ADAM12: variants seen among roughly 807,000 people sequenced by gnomAD.
ADAM12 encodes ADAM metallopeptidase domain 12.
A neutral mutation model predicts 106.4 loss-of-function variants in ADAM12; 70 were observed. The ratio of observed to expected loss-of-function variants is 0.66; its 90% CI spans 0.54 to 0.80. The LOEUF is 0.80. Among genes scored for constraint, ADAM12 ranks in the 30% least tolerant of loss-of-function variants. The probability of loss-of-function intolerance (pLI) is 0.00; values close to 1 mark genes in which losing one functional copy is unlikely to be tolerated. For missense variants in ADAM12, 1,010 were observed against 1,171.9 expected, an observed-to-expected ratio of 0.86 and a Z score of 2.02; for synonymous variants, 420 against 433.5, an observed-to-expected ratio of 0.97 and a Z score of 0.39.
At chr10:126,080,315 C>T (rs528351789) in intron 11 of ADAM12, among the ~76,000 whole-genome samples, 3 of 152,246 alleles carry the variant, frequency 2.0e-5, no homozygotes, top group South Asian at 2.1e-4. Context: ...CAGTTTCTTC[C>T]GTAGCTTTTG....
chr10:126,027,522 A>G (rs1953896650), intron 21 of ADAM12, among the ~76,000 whole-genome samples: 1 of 152,206 alleles, frequency 6.6e-6, no homozygotes, highest in Non-Finnish European at 1.5e-5. Context: ...TATCCACCAC[A>G]ATCAAGTAGG....
At chr10:126,051,516 T>G (rs139992952) in intron 14 of ADAM12, among the ~76,000 whole-genome samples, 23,363 of 141,588 alleles carry the variant, frequency 0.17, 2,317 homozygotes, top group Middle Eastern at 0.3. Flanking sequence ...CATCCATCCA[T>G]CCATCCAGCC....
chr10:126,143,327 G>A (rs1418232832), intron 4 of ADAM12, among the ~76,000 whole-genome samples: 1 of 148,154 alleles, frequency 6.7e-6, no homozygotes, highest in Non-Finnish European at 1.5e-5. Flanking sequence ...TATATGGTGT[G>A]CACATGTGTA....
intron 6 of ADAM12, among the ~76,000 whole-genome samples, chr10:126,116,468 C>T (rs959143694): frequency 1.3e-5 from 2 of 151,738 alleles, no homozygotes; most frequent in South Asian, 2.1e-4. Flanking sequence ...AGACAGGTTG[C>T]GGGGAGAAGC....
chr10:126,194,278 CAA>C (rs35778124), intron 3 of ADAM12, among the ~76,000 whole-genome samples: 326 of 58,032 alleles, frequency 5.6e-3, no homozygotes, highest in East Asian at 0.029. Flanking sequence ...TTCATATGCT[CAA>C]AAAAAAAAAA....
Position 126,370,732 on chromosome 10 carries a change from G to A in ADAM12, c.88+17326C>T, listed in dbSNP as rs374990020. 3.3e-5 allele frequency among the ~76,000 whole-genome samples: 5 copies of A among 152,168 alleles called. No homozygotes were observed. In the East Asian group the frequency reaches 7.7e-4, roughly 23 times the overall value. On this transcript the variant is annotated intron_variant, in intron 1 of 22. Coordinates refer to ENST00000448723, the MANE Select transcript of ADAM12 (RefSeq NM_001288973.2). ...TGCAAAGGGTCTGGAGTATGGAAGA[G>A]TTCCTGGACATCATAGGTCCTCCCT...
intron 3 of ADAM12, among the ~76,000 whole-genome samples, chr10:126,157,787 C>G (rs1262395034): frequency 6.6e-6 from 1 of 152,216 alleles, no homozygotes; most frequent in Non-Finnish European, 1.5e-5. Context: ...CTCTGAGCTG[C>G]CAGAGGGGCT....
chr10:126,096,354 T>G (rs935554310), intron 10 of ADAM12, among the ~76,000 whole-genome samples: 3 of 152,238 alleles, frequency 2.0e-5, no homozygotes, highest in Admixed American at 6.5e-5. Context: ...TTAAAAGACC[T>G]TGATAAACAG....
intron 2 of ADAM12, among the ~76,000 whole-genome samples, chr10:126,300,798 G>A (rs893756922): frequency 8.5e-5 from 13 of 152,088 alleles, no homozygotes; most frequent in Non-Finnish European, 1.6e-4. Flanking sequence ...GGTTGAGTGT[G>A]TTAACTCTTC....
Position 126,372,079 on chromosome 10 carries a change from A to G in ADAM12, c.88+15979T>C, listed in dbSNP as rs117257098. On this transcript the variant is annotated intron_variant, in intron 1 of 22. Transcript: ENST00000448723. ...ACTGATAAACAACAAAGATGGAAAC[A>G]TGAGATTTAAGGTAGGAGAAAAACG... Among the ~76,000 whole-genome samples, 56 of 152,358 alleles carry G rather than the reference A, an allele frequency of 3.7e-4. 1 individual carries two copies. The East Asian group carries it at 0.011, about 29-fold the overall frequency.
intron 3 of ADAM12, among the ~76,000 whole-genome samples, chr10:126,274,121 G>A (rs1266703016): frequency 6.6e-6 from 1 of 152,142 alleles, no homozygotes; most frequent in Non-Finnish European, 1.5e-5. Context: ...CCACTCATTT[G>A]AGGAGTGCTC....
chr10:126,198,236 C>T (rs2927503), intron 3 of ADAM12, among the ~76,000 whole-genome samples: 17,032 of 152,220 alleles, frequency 0.11, 1,943 homozygotes, highest in African/African-American at 0.29. Flanking sequence ...CCATGCTCTC[C>T]GGCATCAGTA....
At position 126,330,395 on chromosome 10, in the gene ADAM12, A is replaced by G. The variant is rs1430820521; in HGVS notation, c.186+17T>C. 6.3e-7 allele frequency: 1 copy of G among 1,597,184 alleles called. No individual in the cohort carries two copies. Among genetic ancestry groups the G allele is most frequent in the Non-Finnish European group, 8.5e-7 (1 of 1,170,410 alleles). On this transcript the variant is annotated intron_variant, in intron 2 of 22. Transcript: ENST00000448723. Reference sequence around the variant, plus strand: ...AGCTTCGGCAGTCTCAAAGCTGAGAAAAGGAGAGGAACTCACCTTGGAGTC... The same window carrying G: ...AGCTTCGGCAGTCTCAAAGCTGAGAGAAGGAGAGGAACTCACCTTGGAGTC...
intron 3 of ADAM12, among the ~76,000 whole-genome samples, chr10:126,269,566 G>A (rs1425221028): frequency 6.6e-6 from 1 of 152,180 alleles, no homozygotes; most frequent in Non-Finnish European, 1.5e-5. Flanking sequence ...CGCACCAGGA[G>A]AGGGAAGGTG....
At chr10:126,192,772 T>G (rs1957526676) in intron 3 of ADAM12, among the ~76,000 whole-genome samples, 1 of 152,192 alleles carries the variant, frequency 6.6e-6, no homozygotes. Context: ...GCCAGTGAAA[T>G]TTTGAAAGAT....
intron 8 of ADAM12, 121 bp downstream of exon 8, chr10:126,108,472 A>G: frequency 2.4e-6 from 2 of 842,628 alleles, no homozygotes; most frequent in Non-Finnish European, 3.8e-6. Context: ...GACAGGAAAC[A>G]GTTCCAAACC....
At chr10:126,286,738 G>T (rs1399637315) in intron 2 of ADAM12, among the ~76,000 whole-genome samples, 1 of 152,182 alleles carries the variant, frequency 6.6e-6, no homozygotes, top group African/African-American at 2.4e-5. Context: ...TTATAATGGG[G>T]TGTCCCTGGA....
At chr10:126,346,630 T>A (rs969111665) in intron 1 of ADAM12, among the ~76,000 whole-genome samples, 1 of 152,188 alleles carries the variant, frequency 6.6e-6, no homozygotes, top group Non-Finnish European at 1.5e-5. Context: ...GGTGTTAAAG[T>A]CTCCCATTAT....
intron 1 of ADAM12, among the ~76,000 whole-genome samples, chr10:126,383,289 G>A (rs2133938924): frequency 6.6e-6 from 1 of 152,096 alleles, no homozygotes; most frequent in Non-Finnish European, 1.5e-5. Context: ...GAAGGGTTGG[G>A]AAATGAAATT....
Sources: gnomAD v4.1 joint callset for allele counts (sites outside exome capture counted in the v4.1 genomes callset) on GRCh38, gnomAD v4.1.1 for gene constraint, MANE v1.5 for transcripts, NCBI Gene and HGNC (gene_info 2026-07-23, HGNC 2026-07-21) for gene names.